TCEA3: variants seen among roughly 807,000 people sequenced by gnomAD.
TCEA3 encodes transcription elongation factor A3.
TCEA3 carries 36 observed loss-of-function variants against 44.0 expected under a neutral mutation model. That is an observed-to-expected ratio of 0.82 (90% confidence interval 0.63 to 1.08). TCEA3 has a LOEUF of 1.08. Among genes scored for constraint, TCEA3 ranks in the 50% least tolerant of loss-of-function variants. The probability of loss-of-function intolerance (pLI) is 0.00; values close to 1 mark genes in which losing one functional copy is unlikely to be tolerated. For missense variants in TCEA3, 392 were observed against 441.2 expected (o/e 0.89, Z 1.00); for synonymous variants, 162 against 159.7 (o/e 1.01, Z -0.11).
intron 1 of TCEA3, among the ~76,000 whole-genome samples, chr1:23,422,598 T>C (rs1487501279): frequency 6.6e-6 from 1 of 152,058 alleles, no homozygotes; most frequent in Non-Finnish European, 1.5e-5. Flanking sequence ...GGCCCCACCT[T>C]TCTCGGCCAG....
At chr1:23,415,498 A>G (rs1639863248) in intron 4 of TCEA3, among the ~76,000 whole-genome samples, 1 of 152,166 alleles carries the variant, frequency 6.6e-6, no homozygotes, top group Admixed American at 6.5e-5. Context: ...TTCATCTCAT[A>G]AGAGCTCTCC....
At chr1:23,398,941 CT>C (rs1257923348) in intron 5 of TCEA3, among the ~76,000 whole-genome samples, 7 of 150,714 alleles carry the variant, frequency 4.6e-5, no homozygotes, top group African/African-American at 1.7e-4. Flanking sequence ...TAATTTTTAC[CT>C]TTTTTTGCAG....
At chr1:23,406,243 G>GC (rs1238362006) in intron 5 of TCEA3, among the ~76,000 whole-genome samples, 2 of 152,186 alleles carry the variant, frequency 1.3e-5, no homozygotes, top group Non-Finnish European at 2.9e-5. Flanking sequence ...TACAGCCTAG[G>GC]CCCGTTGAAT....
At chr1:23,419,488 T>TA (rs1639995231) in intron 1 of TCEA3, 1 of 192,688 alleles carries the variant, frequency 5.2e-6, no homozygotes, top group Non-Finnish European at 1.1e-5. Context: ...GTCCTTCCCT[T>TA]ACCTCCCCAC....
intron 2 of TCEA3, 41 bp downstream of exon 2, chr1:23,419,035 TC>T: frequency 1.1e-5 from 2 of 183,182 alleles, no homozygotes. Flanking sequence ...CCACCAGCTC[TC>T]CCCCCAGGCA....
chr1:23,387,688 T>TTC (rs1638892412), intron 8 of TCEA3, among the ~76,000 whole-genome samples: 1 of 152,172 alleles, frequency 6.6e-6, no homozygotes, highest in Non-Finnish European at 1.5e-5. Flanking sequence ...CACTCCTGTG[T>TTC]ACATTTCTTC....
intron 10 of TCEA3, among the ~76,000 whole-genome samples, 165 bp from the exon 11 acceptor site, chr1:23,381,639 T>C (rs560901876): frequency 6.6e-6 from 1 of 152,336 alleles, no homozygotes; most frequent in South Asian, 2.1e-4. Flanking sequence ...ATCACTCACC[T>C]GTAAAATGAG....
chr1:23,418,192 C>T (rs1044415266), intron 2 of TCEA3, 183 bp from the exon 3 acceptor site: 20 of 604,730 alleles, frequency 3.3e-5, no homozygotes, highest in Middle Eastern at 4.4e-4. Context: ...CTGCTCTGCA[C>T]GAGGCCGAGG....
Position 23,386,945 on chromosome 1 carries a change from C to G in TCEA3, c.966+328G>C, listed in dbSNP as rs970836377. Among the ~76,000 whole-genome samples the G allele has an allele frequency of 2.5e-4, 38 of 152,186 alleles. 2 individuals carry two copies. Among genetic ancestry groups the G allele is most frequent in the Non-Finnish European group, 5.9e-5 (4 of 68,036 alleles). ...CCGTGTTTGCCAGGATGGTCTCAATCTCCTGACCTCGTGATCCGCCCGTCT... is the reference window on the plus strand; with the variant it reads ...CCGTGTTTGCCAGGATGGTCTCAATGTCCTGACCTCGTGATCCGCCCGTCT... On this transcript the variant is annotated intron_variant, in intron 9 of 10. Coordinates refer to ENST00000450454, the MANE Select transcript of TCEA3 (RefSeq NM_003196.3).
chr1:23,410,712 A>T (rs1239936364), intron 4 of TCEA3: 1 of 152,098 alleles, frequency 6.6e-6, no homozygotes, highest in Admixed American at 6.5e-5. Context: ...GAGGCAGAGG[A>T]ATCACTTGAA....
At chr1:23,415,730 C>G (rs1639869692) in intron 4 of TCEA3, among the ~76,000 whole-genome samples, 1 of 152,234 alleles carries the variant, frequency 6.6e-6, no homozygotes, top group South Asian at 2.1e-4. Flanking sequence ...GAAAAGAAAA[C>G]ACACTCGTGT....
chr1:23,392,759 C>T (rs1639099335), intron 8 of TCEA3, among the ~76,000 whole-genome samples: 1 of 150,112 alleles, frequency 6.7e-6, no homozygotes, highest in African/African-American at 2.5e-5. Context: ...ACATCATACA[C>T]ACCACACACA....
At chr1:23,396,015 T>C (rs1787643) in intron 7 of TCEA3, among the ~76,000 whole-genome samples, 140,104 of 152,152 alleles carry the variant, frequency 0.92, 64,610 homozygotes, top group African/African-American at 0.96. Context: ...TTCTGCCTTC[T>C]TGAATTAACA....
chr1:23,401,882 T>G (rs1341674761), intron 5 of TCEA3, among the ~76,000 whole-genome samples: 1 of 152,086 alleles, frequency 6.6e-6, no homozygotes, highest in African/African-American at 2.4e-5. Flanking sequence ...TGCACGCTCC[T>G]TACGAGAATC....
At position 23,408,699 on chromosome 1, in the gene TCEA3, A is replaced by G. The variant is rs750154145; in HGVS notation, c.408T>C (p.Ser136=). The change falls in exon 5 of 11, where the codon TCT becomes TCC. Residue 136 remains serine (S), a synonymous_variant. Coordinates refer to ENST00000450454, the MANE Select transcript of TCEA3 (RefSeq NM_003196.3). ...ATGGTCTTTTTGGAGAGGAGGAGGC[A>G]GAAGACTTGGAGTCCACAGAGTCTC... is the stretch of plus-strand genomic sequence containing the variant. ...TRRDSVDSKS[S]ASSSPKRPSV... is the part of the protein sequence containing the mutation. The G allele has an allele frequency of 1.3e-5, 21 of 1,611,516 alleles. No homozygotes were observed. Among genetic ancestry groups the G allele is most frequent in the Middle Eastern group, 1.7e-4 (1 of 6,046 alleles).
At chr1:23,386,702 C>T (rs908225341) in intron 9 of TCEA3, among the ~76,000 whole-genome samples, 1 of 140,784 alleles carries the variant, frequency 7.1e-6, no homozygotes, top group African/African-American at 2.6e-5. Flanking sequence ...GGATTACAGG[C>T]ACGTGCCACC....
chr1:23,416,959 T>A (rs113354138), intron 4 of TCEA3, among the ~76,000 whole-genome samples: 1,846 of 152,274 alleles, frequency 0.012, 45 homozygotes, highest in African/African-American at 0.042. Flanking sequence ...TGCCGTGCGG[T>A]CTCCTATGGG....
chr1:23,411,306 G>A (rs1015814066), intron 4 of TCEA3, among the ~76,000 whole-genome samples: 7 of 152,216 alleles, frequency 4.6e-5, no homozygotes, highest in South Asian at 2.1e-4. Flanking sequence ...ACAGGCACGC[G>A]CCACCATTCC....
At chr1:23,400,877 C>T (rs1040816638) in intron 5 of TCEA3, among the ~76,000 whole-genome samples, 3 of 152,170 alleles carry the variant, frequency 2.0e-5, no homozygotes, top group Admixed American at 6.5e-5. Context: ...TGGGCAGCTG[C>T]GCCAGGCAGC....
Sources: gnomAD v4.1 joint callset for allele counts (sites outside exome capture counted in the v4.1 genomes callset) on GRCh38, gnomAD v4.1.1 for gene constraint, MANE v1.5 for transcripts, NCBI Gene and HGNC (gene_info 2026-07-23, HGNC 2026-07-21) for gene names.